The following LRP5 variants were observed in gnomAD, a reference collection of about 807,000 sequenced individuals.
The protein encoded by LRP5 is low-density lipoprotein receptor-related protein 5.
LRP5 carries 62 observed loss-of-function variants against 154.1 expected under a neutral mutation model. That is an observed-to-expected ratio of 0.40 (90% confidence interval 0.33 to 0.50). The LOEUF is 0.50. LRP5 is among the 20% of genes least tolerant of loss of function. The pLI is 0.55. For missense variants in LRP5, 1,915 were observed against 2,336.7 expected (o/e 0.82, Z 3.72); for synonymous variants, 966 against 1,011.5 (o/e 0.96, Z 0.85).
At chr11:68,398,434 G>A (rs1024337486) in intron 7 of LRP5, among the ~76,000 whole-genome samples, 6 of 152,230 alleles carry the variant, frequency 3.9e-5, no homozygotes, top group Admixed American at 6.5e-5. Context: ...CTGGCAGCTC[G>A]GAGAGGACAG....
At chr11:68,385,799 C>T (rs609248) in intron 5 of LRP5, among the ~76,000 whole-genome samples, 148,047 of 152,116 alleles carry the variant, frequency 0.97, 72,100 homozygotes, top group East Asian at 1. Context: ...GGCCTGAAGC[C>T]GCCCTCGGGT....
At chr11:68,409,081 T>TAC (rs2098657603) in intron 9 of LRP5, among the ~76,000 whole-genome samples, 2 of 40,018 alleles carry the variant, frequency 5.0e-5, no homozygotes, top group African/African-American at 1.6e-4. Context: ...AAAATATATA[T>TAC]ATATATATAT....
intron 4 of LRP5, among the ~76,000 whole-genome samples, chr11:68,365,299 C>T (rs772073968): frequency 5.3e-4 from 81 of 152,084 alleles, no homozygotes; most frequent in Non-Finnish European, 1.0e-3. Context: ...GGGCAGGTCA[C>T]ATCTGGGTGT....
At chr11:68,314,324 G>T (rs1209455662) in intron 1 of LRP5, among the ~76,000 whole-genome samples, 3 of 152,152 alleles carry the variant, frequency 2.0e-5, no homozygotes, top group Non-Finnish European at 4.4e-5. Flanking sequence ...TGAGGAGAAA[G>T]AATTATAGCT....
At chr11:68,318,501 G>A (rs2098594797) in intron 1 of LRP5, among the ~76,000 whole-genome samples, 1 of 152,034 alleles carries the variant, frequency 6.6e-6, no homozygotes, top group Non-Finnish European at 1.5e-5. Flanking sequence ...ACCACGCCCA[G>A]CTGATTTTGT....
rs183575145 is a variant in LRP5, at chr11:68,407,271, C to T, written c.2091+458C>T. Among the ~76,000 whole-genome samples, 1,508 of 151,538 alleles carry T rather than the reference C, an allele frequency of 1.0e-2. 21 individuals carry two copies. Among genetic ancestry groups the T allele is most frequent in the African/African-American group, 0.035 (1,431 of 41,298 alleles). The stretch of plus-strand genomic sequence containing the variant: ...GCAACCTCCGCCTCCCAGGTTCAAG[C>T]GATTCTTCTGCCTCAGCCTCCTGAG... On this transcript the variant is annotated intron_variant, in intron 9 of 22. Transcript: ENST00000294304.
At chr11:68,434,346 TTTCTTTCA>T (rs1227899044) in intron 18 of LRP5, among the ~76,000 whole-genome samples, 10 of 129,186 alleles carry the variant, frequency 7.7e-5, no homozygotes, top group African/African-American at 1.2e-4. Context: ...CCCTGTGAGT[TTTCTTTCA>T]TTCATTCATT....
intron 1 of LRP5, among the ~76,000 whole-genome samples, chr11:68,341,923 T>C (rs1466978966): frequency 1.3e-5 from 2 of 152,192 alleles, no homozygotes; most frequent in African/African-American, 4.8e-5. Context: ...TCAGGCCGTG[T>C]CCTGGGTGTC....
chr11:68,423,721 G>A lies in LRP5; in HGVS notation c.3236+24G>A. ...GGGTAGGAGGCCAACGGGTGGGTGG[G>A]GGTGCTGCCCGTCCAGGCGTGCCCG... is the stretch of plus-strand genomic sequence containing the variant. On this transcript the variant is annotated intron_variant, in intron 14 of 22. Transcript: ENST00000294304. The surrounding 1 kb of genome is among the most constrained non-coding windows in gnomAD (Gnocchi z 4.7). 6.3e-7 allele frequency: 1 copy of A among 1,595,262 alleles called. No individual in the cohort carries two copies. The highest frequency in any genetic ancestry group is 8.5e-7 in the Non-Finnish European group (1 of 1,174,454).
At chr11:68,432,701 G>A (rs1439871086) in intron 17 of LRP5, among the ~76,000 whole-genome samples, 2 of 152,218 alleles carry the variant, frequency 1.3e-5, no homozygotes, top group African/African-American at 2.4e-5. Flanking sequence ...TCTGTTTCCT[G>A]TGATTTTCTG....
intron 7 of LRP5, among the ~76,000 whole-genome samples, chr11:68,394,380 A>AG (rs1491556348): frequency 1.3e-5 from 2 of 152,096 alleles, no homozygotes; most frequent in African/African-American, 4.8e-5. Flanking sequence ...GTCCAGGAAC[A>AG]GGGGGGTCGC....
intron 21 of LRP5, chr11:68,445,456 A>G: frequency 2.4e-6 from 1 of 421,058 alleles, no homozygotes; most frequent in Non-Finnish European, 4.4e-6. Context: ...GTGGTAAAAC[A>G]GGACTTCACC....
At position 68,403,461 on chromosome 11, in the gene LRP5, C is replaced by T. The variant is rs750546353; in HGVS notation, c.1585-22C>T. ...TGGTGTGGCCCTGGCCCATCCAGAC[C>T]TATATTTCTGCCGTCCTGCAGGTGA... On this transcript the variant is annotated intron_variant, in intron 7 of 22. Transcript: ENST00000294304. 4 of 1,610,264 alleles carry T rather than the reference C, an allele frequency of 2.5e-6. No homozygotes were observed. In the African/African-American group the frequency reaches 4.0e-5, roughly 16 times the overall value.
At chr11:68,403,786 T>C in intron 8 of LRP5, 87 bp downstream of exon 8, 1 of 1,517,710 alleles carries the variant, frequency 6.6e-7, no homozygotes, top group Admixed American at 1.8e-5. Context: ...GCATAAGTGT[T>C]GAGCTCAGGT....
intron 2 of LRP5, 91 bp from the exon 3 acceptor site, chr11:68,357,559 C>A: frequency 8.2e-7 from 1 of 1,214,578 alleles, no homozygotes; most frequent in Non-Finnish European, 1.2e-6. Flanking sequence ...AGGGCAAGTT[C>A]ACTGTCTGTT....
chr11:68,353,491 AC>A lies in LRP5; in HGVS notation c.489-4155del, dbSNP rs1478845566. Among the ~76,000 whole-genome samples the A allele has an allele frequency of 6.6e-6, 1 of 152,106 alleles. No individual in the cohort carries two copies. Among genetic ancestry groups the A allele is most frequent in the East Asian group, 1.9e-4 (1 of 5,194 alleles). ...GCCTGTCACAGCGCCCGCGGCAGCA[AC>A]CCCTGCTCGCCAAATACTGACTTGA... On this transcript the variant is annotated intron_variant, in intron 2 of 22. Transcript: ENST00000294304. The surrounding 1 kb of genome is among the most constrained non-coding windows in gnomAD (Gnocchi z 4.5).
chr11:68,397,640 C>G (rs1450055892), intron 7 of LRP5, among the ~76,000 whole-genome samples: 3 of 97,490 alleles, frequency 3.1e-5, no homozygotes, highest in Admixed American at 1.1e-4. Flanking sequence ...GCCCGAGTTC[C>G]CATCACCGTC....
chr11:68,329,852 T>C (rs1322500260), intron 1 of LRP5, among the ~76,000 whole-genome samples: 2 of 152,236 alleles, frequency 1.3e-5, no homozygotes, highest in African/African-American at 4.8e-5. Flanking sequence ...TTCCGGGGGC[T>C]TGGCAAGGCA....
chr11:68,404,030 G>A, intron 8 of LRP5: 1 of 465,848 alleles, frequency 2.1e-6, no homozygotes, highest in Admixed American at 3.4e-5. Flanking sequence ...TACTCGCACT[G>A]GGGAGCAGGA....
Sources: allele counts gnomAD v4.1 joint callset (sites outside exome capture counted in the v4.1 genomes callset), GRCh38; gene constraint gnomAD v4.1.1; non-coding constraint Gnocchi (gnomAD v3.1); transcripts MANE v1.5; gene names NCBI Gene and HGNC (gene_info 2026-07-23, HGNC 2026-07-21).